The following ARL8B variants were observed in gnomAD, a reference collection of about 807,000 sequenced individuals.
ARL8B encodes the protein ADP-ribosylation factor-like protein 8B.
Under a neutral mutation model 30.6 loss-of-function variants are expected in ARL8B, and 9 were observed. The ratio of observed to expected loss-of-function variants is 0.29; its 90% CI spans 0.18 to 0.51. ARL8B has a LOEUF of 0.51. ARL8B is among the 20% of genes least tolerant of loss of function. ARL8B has a pLI of 0.97. For missense variants in ARL8B, 130 were observed against 227.2 expected, an observed-to-expected ratio of 0.57 and a Z score of 2.75; for synonymous variants, 74 against 76.0, an observed-to-expected ratio of 0.97 and a Z score of 0.14.
chr3:5,171,685 T>A (rs929014432), intron 2 of ARL8B, among the ~76,000 whole-genome samples: 1 of 152,228 alleles, frequency 6.6e-6, no homozygotes, highest in Non-Finnish European at 1.5e-5. Context: ...TATGTGGAAA[T>A]GTTGGCTACT....
intron 1 of ARL8B, among the ~76,000 whole-genome samples, chr3:5,134,646 T>C (rs570599280): frequency 1.3e-5 from 2 of 152,320 alleles, no homozygotes; most frequent in African/African-American, 4.8e-5. Flanking sequence ...TCAGATTACA[T>C]TACTGATCAT....
intron 1 of ARL8B, among the ~76,000 whole-genome samples, chr3:5,142,429 G>A (rs1383580017): frequency 6.6e-6 from 1 of 152,138 alleles, no homozygotes; most frequent in Non-Finnish European, 1.5e-5. Flanking sequence ...GTTTCCCCAT[G>A]CGTCCTTGTC....
At chr3:5,151,319 T>C (rs534743129) in intron 1 of ARL8B, among the ~76,000 whole-genome samples, 18 of 152,194 alleles carry the variant, frequency 1.2e-4, no homozygotes, top group Non-Finnish European at 2.5e-4. Flanking sequence ...GAAGTGTGCC[T>C]GTAGTCCCAG....
intron 6 of ARL8B, among the ~76,000 whole-genome samples, chr3:5,177,634 T>A (rs950888740): frequency 8.5e-5 from 13 of 152,130 alleles, no homozygotes; most frequent in South Asian, 4.2e-4. Flanking sequence ...TTTTGTATTT[T>A]TAGTAGAGAT....
At chr3:5,132,876 C>T (rs954829719) in intron 1 of ARL8B, among the ~76,000 whole-genome samples, 4 of 152,156 alleles carry the variant, frequency 2.6e-5, no homozygotes, top group African/African-American at 9.7e-5. Context: ...TTGGAATTCT[C>T]CCCTGACCCA....
chr3:5,135,993 G>A (rs888690163), intron 1 of ARL8B, among the ~76,000 whole-genome samples: 1 of 151,038 alleles, frequency 6.6e-6, no homozygotes, highest in Non-Finnish European at 1.5e-5. Context: ...TCACCATGTT[G>A]CCCAGGCTGA....
chr3:5,171,731 T>C (rs1431953520), intron 2 of ARL8B, among the ~76,000 whole-genome samples: 1 of 152,256 alleles, frequency 6.6e-6, no homozygotes, highest in Non-Finnish European at 1.5e-5. Context: ...TAGGCATTAA[T>C]GTAGAACAAA....
At chr3:5,166,347 C>T (rs11924037) in intron 1 of ARL8B, among the ~76,000 whole-genome samples, 6 of 93,164 alleles carry the variant, frequency 6.4e-5, no homozygotes, top group African/African-American at 1.0e-4. Flanking sequence ...TGGTATCTTT[C>T]GTTTTTTTTT....
Position 5,179,531 on chromosome 3 carries a change from T to C in ARL8B, c.*818T>C, listed in dbSNP as rs2054759378. Reference sequence around the variant, plus strand: ...ATTGAAGATTTTCCAAAAGCGTTCATGAATTTAGAGCATTCCACCCAATAT... The same window carrying C: ...ATTGAAGATTTTCCAAAAGCGTTCACGAATTTAGAGCATTCCACCCAATAT... On this transcript the variant is annotated 3_prime_UTR_variant, in exon 7 of 7. Coordinates refer to ENST00000256496, the MANE Select transcript of ARL8B (RefSeq NM_018184.3). The C allele has an allele frequency of 6.6e-6, 1 of 152,624 alleles. No individual in the cohort carries two copies. Among genetic ancestry groups the C allele is most frequent in the Non-Finnish European group, 1.5e-5 (1 of 68,046 alleles). The allele number at this position is 152,624 out of a possible 1,614,324, so 9.5% of individuals were successfully genotyped here.
intron 1 of ARL8B, among the ~76,000 whole-genome samples, chr3:5,150,844 C>T (rs1010669398): frequency 3.3e-5 from 5 of 152,084 alleles, no homozygotes; most frequent in Non-Finnish European, 7.4e-5. Flanking sequence ...ATTCTAGTCC[C>T]GGGATTTCTT....
At chr3:5,144,785 A>C (rs966133847) in intron 1 of ARL8B, among the ~76,000 whole-genome samples, 5 of 152,190 alleles carry the variant, frequency 3.3e-5, no homozygotes, top group Admixed American at 6.5e-5. Flanking sequence ...TATGCGAACT[A>C]TGGCAACCTC....
At chr3:5,148,901 C>G (rs542451474) in intron 1 of ARL8B, among the ~76,000 whole-genome samples, 1 of 152,096 alleles carries the variant, frequency 6.6e-6, no homozygotes, top group Non-Finnish European at 1.5e-5. Context: ...TCTTTGGCTC[C>G]CTCTTTGCTT....
At chr3:5,175,713 G>C (rs1039413003) in intron 6 of ARL8B, among the ~76,000 whole-genome samples, 2 of 152,214 alleles carry the variant, frequency 1.3e-5, no homozygotes, top group Non-Finnish European at 2.9e-5. Context: ...GAAGGCTGTA[G>C]AAGATCCCTC....
Position 5,122,524 on chromosome 3 carries a change from A to G in ARL8B, c.59A>G (p.Glu20Gly). 6.2e-7 allele frequency: 1 copy of G among 1,613,354 alleles called. No homozygotes were observed. Among genetic ancestry groups the G allele is most frequent in the Non-Finnish European group, 8.5e-7 (1 of 1,179,652 alleles). ...DWFRSLFWKE[E>G]MELTLVGLQY... is the part of the protein sequence containing the mutation. ...TTCCGTTCGCTCTTCTGGAAGGAAG[A>G]GATGGAGCTGACGCTCGTGGGGCTG... Residue 20 changes from glutamate (E) to glycine (G), a missense_variant, in exon 1 of 7, where the codon GAG becomes GGG. Transcript: ENST00000256496.
intron 1 of ARL8B, among the ~76,000 whole-genome samples, chr3:5,137,450 T>G (rs896868557): frequency 6.6e-6 from 1 of 150,596 alleles, no homozygotes; most frequent in Non-Finnish European, 1.5e-5. Flanking sequence ...TTTTTTTTTT[T>G]TTTTTGAGAT....
chr3:5,174,749 AAT>A (rs1196232947), intron 6 of ARL8B, among the ~76,000 whole-genome samples: 8 of 143,906 alleles, frequency 5.6e-5, no homozygotes, highest in Non-Finnish European at 1.0e-4. Context: ...TGTAATATAT[AAT>A]ATATATAAAT....
intron 1 of ARL8B, among the ~76,000 whole-genome samples, chr3:5,134,267 A>G (rs535341295): frequency 1.1e-4 from 17 of 152,124 alleles, no homozygotes; most frequent in African/African-American, 3.9e-4. Context: ...AATGTTCTCC[A>G]CTCCTCAGGA....
intron 1 of ARL8B, among the ~76,000 whole-genome samples, chr3:5,142,883 G>A (rs1431757213): frequency 2.6e-5 from 4 of 152,196 alleles, no homozygotes; most frequent in Non-Finnish European, 5.9e-5. Context: ...GTATAGGGTT[G>A]CGTTCTAAAT....
chr3:5,169,727 T>C (rs1241734828), intron 1 of ARL8B, among the ~76,000 whole-genome samples: 1 of 152,188 alleles, frequency 6.6e-6, no homozygotes, highest in East Asian at 1.9e-4. Flanking sequence ...CTAGTTTAGA[T>C]AGAATGACTA....
Sources: gnomAD v4.1 joint callset for allele counts (sites outside exome capture counted in the v4.1 genomes callset) on GRCh38, gnomAD v4.1.1 for gene constraint, MANE v1.5 for transcripts, NCBI Gene and HGNC (gene_info 2026-07-23, HGNC 2026-07-21) for gene names.